The following AGTPBP1 variants were observed in gnomAD, a reference collection of about 807,000 sequenced individuals.
AGTPBP1 encodes ATP/GTP binding carboxypeptidase 1.
A neutral mutation model predicts 143.9 loss-of-function variants in AGTPBP1; 70 were observed. The observed-to-expected ratio is 0.49, with a 90% CI of 0.40 to 0.59. AGTPBP1 has a LOEUF of 0.59. Among genes scored for constraint, AGTPBP1 ranks in the 20% least tolerant of loss-of-function variants. AGTPBP1 has a pLI of 0.00. For synonymous variants in AGTPBP1, 463 were observed against 500.2 expected (o/e 0.93, Z 0.99); for missense variants, 1,229 against 1,464.5 (o/e 0.84, Z 2.62).
intron 1 of AGTPBP1, among the ~76,000 whole-genome samples, chr9:85,713,801 C>A (rs1837533118): frequency 1.3e-5 from 2 of 152,074 alleles, no homozygotes; most frequent in Admixed American, 1.3e-4. Context: ...ACAAAAATTA[C>A]ATGAATTGTT....
chr9:85,633,209 T>G lies in AGTPBP1; in HGVS notation c.1468A>C (p.Lys490Gln), dbSNP rs1831801996. The change falls in exon 14 of 26, where the codon AAG (lysine) becomes CAG (glutamine). Residue 490 changes from lysine (K) to glutamine (Q), a missense_variant. By Grantham distance (53) the Lys-to-Gln change is moderately conservative. Coordinates refer to ENST00000357081, the MANE Select transcript of AGTPBP1 (RefSeq NM_001330701.2). ...GCTAGATCCATAAAGGTAGACTTCT[T>G]TTCACCTTCATCTCCTTTAGAAGAT... Reference protein sequence around the residue: ...NISSKGDEGEKKSTFMDLAKE... With the variant: ...NISSKGDEGEQKSTFMDLAKE... 6.2e-7 allele frequency: 1 copy of G among 1,613,560 alleles called. No individual in the cohort carries two copies. Among genetic ancestry groups the G allele is most frequent in the Non-Finnish European group, 8.5e-7 (1 of 1,179,934 alleles).
the AGTPBP1 span, among the ~76,000 whole-genome samples, chr9:85,790,041 T>C: frequency 6.6e-6 from 1 of 152,214 alleles, no homozygotes; most frequent in African/African-American, 2.4e-5. Context: ...CTCTCTCAAC[T>C]TCATTGGACT....
upstream of AGTPBP1, among the ~76,000 whole-genome samples, chr9:85,742,397 G>A (rs535688520): frequency 6.6e-6 from 1 of 151,954 alleles, no homozygotes; most frequent in South Asian, 2.1e-4. Flanking sequence ...CTTAGGAAGG[G>A]TTCTTAAAGC....
At chr9:85,738,657 C>A (rs1290560978) in intron 1 of AGTPBP1, among the ~76,000 whole-genome samples, 1 of 152,000 alleles carries the variant, frequency 6.6e-6, no homozygotes, top group African/African-American at 2.4e-5. Flanking sequence ...AAGGTTCTGT[C>A]AGAAGGGACA....
chr9:85,757,304 A>G, the AGTPBP1 span, among the ~76,000 whole-genome samples: 1 of 152,062 alleles, frequency 6.6e-6, no homozygotes, highest in Admixed American at 6.6e-5. Context: ...TGACCTTGTG[A>G]TCCGCCTGTC....
chr9:85,690,130 C>A (rs893257650), intron 3 of AGTPBP1, among the ~76,000 whole-genome samples: 3 of 151,848 alleles, frequency 2.0e-5, no homozygotes, highest in Non-Finnish European at 4.4e-5. Context: ...TTCTGTCAAT[C>A]TGACTACTGA....
intron 8 of AGTPBP1, among the ~76,000 whole-genome samples, chr9:85,661,973 T>C (rs573062432): frequency 2.0e-5 from 3 of 152,108 alleles, no homozygotes; most frequent in African/African-American, 7.2e-5. Context: ...AACAAACTTA[T>C]CTCTTCCACA....
chr9:85,673,617 G>T (rs1444345156), intron 6 of AGTPBP1, among the ~76,000 whole-genome samples: 1 of 152,064 alleles, frequency 6.6e-6, no homozygotes, highest in Non-Finnish European at 1.5e-5. Context: ...AAGAACTTAA[G>T]AATGTTAAGA....
chr9:85,567,568 G>A (rs7860075), intron 25 of AGTPBP1, among the ~76,000 whole-genome samples: 1 of 152,052 alleles, frequency 6.6e-6, no homozygotes, highest in Admixed American at 6.5e-5. Context: ...CTCAAGTATG[G>A]GTGACACAAT....
intron 13 of AGTPBP1, among the ~76,000 whole-genome samples, chr9:85,638,637 ATATAAG>A (rs1455058753): frequency 2.0e-5 from 3 of 152,100 alleles, no homozygotes; most frequent in South Asian, 2.1e-4. Flanking sequence ...TTAAAAGTTA[ATATAAG>A]TATATTAATA....
the AGTPBP1 span, among the ~76,000 whole-genome samples, chr9:85,771,951 G>A: frequency 4.0e-5 from 6 of 150,412 alleles, no homozygotes; most frequent in South Asian, 4.2e-4. Flanking sequence ...GAGCCACCGC[G>A]CCCAGCCTGA....
At chr9:85,771,858 C>G in the AGTPBP1 span, among the ~76,000 whole-genome samples, 21 of 152,064 alleles carry the variant, frequency 1.4e-4, no homozygotes, top group African/African-American at 4.6e-4. Context: ...CGGGGTTTCA[C>G]TGTGTTAGAC....
At chr9:85,697,906 A>G (rs1207948310) in intron 2 of AGTPBP1, among the ~76,000 whole-genome samples, 2 of 152,128 alleles carry the variant, frequency 1.3e-5, no homozygotes, top group Admixed American at 1.3e-4. Flanking sequence ...AGTGATCTTG[A>G]TCTGGTTCTT....
intron 17 of AGTPBP1, among the ~76,000 whole-genome samples, chr9:85,600,588 A>AG (rs1829599943): frequency 6.6e-6 from 1 of 152,066 alleles, no homozygotes; most frequent in Non-Finnish European, 1.5e-5. Flanking sequence ...GTACAGGAAA[A>AG]GGGTAAGTGA....
chr9:85,738,549 C>T (rs948192383), intron 1 of AGTPBP1, among the ~76,000 whole-genome samples: 3 of 152,014 alleles, frequency 2.0e-5, no homozygotes, highest in Non-Finnish European at 4.4e-5. Context: ...TTTTTGATAG[C>T]GGCACATTAT....
At chr9:85,586,785 A>T in intron 22 of AGTPBP1, 46 bp downstream of exon 22, 1 of 1,582,366 alleles carries the variant, frequency 6.3e-7, no homozygotes, top group Non-Finnish European at 8.6e-7. Flanking sequence ...TAAAAATGAT[A>T]TTTTATCTTT....
chr9:85,769,727 T>C, the AGTPBP1 span, among the ~76,000 whole-genome samples: 3 of 152,126 alleles, frequency 2.0e-5, no homozygotes, highest in Admixed American at 6.6e-5. Flanking sequence ...GCTTTTTTAT[T>C]ACTAGTTCTT....
the AGTPBP1 span, among the ~76,000 whole-genome samples, chr9:85,767,289 C>T: frequency 2.1e-5 from 3 of 140,344 alleles, no homozygotes; most frequent in African/African-American, 8.1e-5. Flanking sequence ...TCAAGCAATT[C>T]TCCTGCCTCA....
In AGTPBP1 at chr9:85,583,357, T is replaced by C. The variant is rs551745898; in HGVS notation, c.3165+2106A>G. On this transcript the variant is annotated intron_variant, in intron 23 of 25. Transcript: ENST00000357081. ...TGACACACATGCACACACACCCACA[T>C]GCGCACCTGCCCTACAACCCTGGAA... Among the ~76,000 whole-genome samples the C allele has an allele frequency of 2.7e-4, 41 of 152,192 alleles. No individual in the cohort carries two copies. The East Asian group carries it at 7.2e-3, about 27-fold the overall frequency.
Sources: allele counts gnomAD v4.1 joint callset (sites outside exome capture counted in the v4.1 genomes callset), GRCh38; gene constraint gnomAD v4.1.1; transcripts MANE v1.5; gene names NCBI Gene and HGNC (gene_info 2026-07-23, HGNC 2026-07-21).